MEF2A: variants seen among roughly 807,000 people sequenced by gnomAD.
MEF2A encodes the protein myocyte enhancer factor 2A.
In MEF2A, 28 loss-of-function variants were observed where a neutral mutation model predicts 55.8. The observed-to-expected ratio is 0.50, with a 90% CI of 0.37 to 0.69. MEF2A has a LOEUF of 0.69. MEF2A is among the 30% of genes least tolerant of loss of function. The probability of loss-of-function intolerance (pLI) is 0.00; values close to 1 mark genes in which losing one functional copy is unlikely to be tolerated. For missense variants in MEF2A, 528 were observed against 626.2 expected (o/e 0.84, Z 1.67); for synonymous variants, 239 against 227.1 (o/e 1.05, Z -0.47).
chr15:99,570,311 G>A (rs1052675594), intron 1 of MEF2A, among the ~76,000 whole-genome samples: 3 of 152,064 alleles, frequency 2.0e-5, no homozygotes, highest in Admixed American at 6.6e-5. Flanking sequence ...TTTTATGGTT[G>A]TCTTGAATTA....
intron 1 of MEF2A, among the ~76,000 whole-genome samples, chr15:99,581,154 T>G (rs1965798783): frequency 6.6e-6 from 1 of 152,174 alleles, no homozygotes; most frequent in Non-Finnish European, 1.5e-5. Context: ...TTAGAGTTAG[T>G]AAGTAGTCTG....
intron 2 of MEF2A, among the ~76,000 whole-genome samples, chr15:99,623,534 C>G (rs2041584962): frequency 6.6e-6 from 1 of 152,198 alleles, no homozygotes; most frequent in African/African-American, 2.4e-5. Context: ...CACAAGTGTT[C>G]CAGTTTTCCA....
intron 2 of MEF2A, among the ~76,000 whole-genome samples, chr15:99,613,156 G>T (rs149961846): frequency 5.4e-4 from 82 of 152,168 alleles, no homozygotes; most frequent in Non-Finnish European, 9.9e-4. Context: ...AACTAAAGAC[G>T]TACATCATCG....
At chr15:99,608,410 C>T (rs1170743593) in intron 2 of MEF2A, among the ~76,000 whole-genome samples, 2 of 152,118 alleles carry the variant, frequency 1.3e-5, no homozygotes, top group Admixed American at 1.3e-4. Flanking sequence ...TGTCTCTAAT[C>T]TAAAAACACT....
intron 8 of MEF2A, among the ~76,000 whole-genome samples, chr15:99,695,538 G>A (rs1430047476): frequency 1.5e-5 from 1 of 67,308 alleles, no homozygotes; most frequent in African/African-American, 3.2e-5. Context: ...AAGATTGTCA[G>A]ATTTGTGTGT....
At chr15:99,671,687 A>G (rs2050902134) in intron 5 of MEF2A, 1 of 1,530,816 alleles carries the variant, frequency 6.5e-7, no homozygotes, top group Non-Finnish European at 8.7e-7. Flanking sequence ...TTGTGCTTTT[A>G]TCTTGTGCAT....
chr15:99,581,417 T>G (rs923625135), intron 1 of MEF2A, among the ~76,000 whole-genome samples: 1 of 151,786 alleles, frequency 6.6e-6, no homozygotes, highest in Non-Finnish European at 1.5e-5. Flanking sequence ...GAGCTTTCTT[T>G]TTTTTTTTTC....
chr15:99,656,578 T>C (rs910877535), intron 4 of MEF2A, among the ~76,000 whole-genome samples: 1 of 152,106 alleles, frequency 6.6e-6, no homozygotes, highest in Non-Finnish European at 1.5e-5. Context: ...TATGATATGA[T>C]TTCCAGTGTG....
intron 4 of MEF2A, among the ~76,000 whole-genome samples, chr15:99,668,391 A>G (rs1037505116): frequency 1.3e-5 from 2 of 152,222 alleles, no homozygotes; most frequent in Admixed American, 6.5e-5. Context: ...CAACTAGGAT[A>G]AGTCAACTTA....
At chr15:99,644,177 G>GATTA (rs2045548504) in intron 3 of MEF2A, among the ~76,000 whole-genome samples, 2 of 152,148 alleles carry the variant, frequency 1.3e-5, no homozygotes, top group Admixed American at 1.3e-4. Context: ...CTGTTAAAGA[G>GATTA]ATTAGATCTA....
At chr15:99,619,815 G>C (rs750789554) in intron 2 of MEF2A, among the ~76,000 whole-genome samples, 1 of 152,202 alleles carries the variant, frequency 6.6e-6, no homozygotes, top group Non-Finnish European at 1.5e-5. Context: ...CTTAGAAATT[G>C]TCAGGTGCCA....
chr15:99,647,358 C>A (rs1023341426), intron 4 of MEF2A, among the ~76,000 whole-genome samples: 86 of 150,920 alleles, frequency 5.7e-4, no homozygotes, highest in African/African-American at 1.8e-3. Flanking sequence ...CAACTCAAAC[C>A]AATGGAGCTG....
At chr15:99,622,268 A>G (rs933027866) in intron 2 of MEF2A, among the ~76,000 whole-genome samples, 4 of 152,182 alleles carry the variant, frequency 2.6e-5, no homozygotes, top group Admixed American at 2.0e-4. Flanking sequence ...TTGCCTGAAT[A>G]ACAGATATAG....
At chr15:99,675,071 T>C (rs1442259564) in intron 6 of MEF2A, among the ~76,000 whole-genome samples, 1 of 152,168 alleles carries the variant, frequency 6.6e-6, no homozygotes, top group Non-Finnish European at 1.5e-5. Flanking sequence ...TCCTCTCTCT[T>C]AAGTCCTAGA....
chr15:99,686,779 A>C (rs1056553206), intron 7 of MEF2A, among the ~76,000 whole-genome samples: 2 of 152,110 alleles, frequency 1.3e-5, no homozygotes, highest in African/African-American at 4.8e-5. Context: ...AGGCCAGGGA[A>C]GTTTTCCTCA....
chr15:99,698,974 T>C (rs564231217), intron 8 of MEF2A, among the ~76,000 whole-genome samples: 191 of 151,344 alleles, frequency 1.3e-3, no homozygotes, highest in African/African-American at 4.5e-3. Flanking sequence ...CCCTGCACTT[T>C]GGGAGGCCAA....
At chr15:99,595,105 C>T (rs1970711834) in intron 1 of MEF2A, among the ~76,000 whole-genome samples, 1 of 152,152 alleles carries the variant, frequency 6.6e-6, no homozygotes, top group Non-Finnish European at 1.5e-5. Context: ...CCTGGCTTCA[C>T]CACTTTACTA....
chr15:99,675,490 G>A, intron 7 of MEF2A, 32 bp downstream of exon 7: 1 of 1,577,512 alleles, frequency 6.3e-7, no homozygotes, highest in Non-Finnish European at 8.7e-7. Flanking sequence ...TGTTTTGTAG[G>A]TATCTATCCT....
At chr15:99,568,827 G>A (rs1195081772) in intron 1 of MEF2A, among the ~76,000 whole-genome samples, 1 of 152,034 alleles carries the variant, frequency 6.6e-6, no homozygotes, top group Non-Finnish European at 1.5e-5. Context: ...CCATACCCCG[G>A]TTACTCATGG....
Sources: allele counts gnomAD v4.1 joint callset (sites outside exome capture counted in the v4.1 genomes callset), GRCh38; gene constraint gnomAD v4.1.1; transcripts MANE v1.5; gene names NCBI Gene and HGNC (gene_info 2026-07-23, HGNC 2026-07-21).